KDM7A: variants seen among roughly 807,000 people sequenced by gnomAD.
KDM7A encodes lysine-specific demethylase 7A.
In KDM7A, 28 loss-of-function variants were observed where a neutral mutation model predicts 114.8. The observed-to-expected ratio is 0.24, with a 90% CI of 0.18 to 0.33. The LOEUF (loss-of-function observed/expected upper bound fraction) is 0.33. KDM7A is among the 10% of genes least tolerant of loss of function. KDM7A has a pLI of 1.00. For synonymous variants in KDM7A, 423 were observed against 397.8 expected, an observed-to-expected ratio of 1.06 and a Z score of -0.75; for missense variants, 942 against 1,142.5, an observed-to-expected ratio of 0.82 and a Z score of 2.53.
At chr7:140,108,387 C>T (rs1206664761) in intron 11 of KDM7A, among the ~76,000 whole-genome samples, 1 of 151,348 alleles carries the variant, frequency 6.6e-6, no homozygotes, top group Admixed American at 6.6e-5. Flanking sequence ...AGCTTTTCTG[C>T]TCTGTTTTTT....
intron 12 of KDM7A, among the ~76,000 whole-genome samples, chr7:140,100,321 G>A (rs1193087973): frequency 1.3e-5 from 2 of 152,114 alleles, no homozygotes; most frequent in African/African-American, 2.4e-5. Flanking sequence ...TGAAAAACTG[G>A]AGAAGCACTG....
rs572522095 is a variant in KDM7A, at chr7:140,085,572, C to T, written c.*5522G>A. The T allele has an allele frequency of 1.3e-5, 2 of 152,178 alleles. No individual in the cohort carries two copies. The highest frequency in any genetic ancestry group is 2.4e-5 in the African/African-American group (1 of 41,426). The allele number at this position is 152,178 out of a possible 1,614,324, so 9.4% of individuals were successfully genotyped here. A position where few individuals can be genotyped will look rare whatever the true frequency, so the allele number is the denominator to read the frequency against. On this transcript the variant is annotated 3_prime_UTR_variant, in exon 20 of 20. Coordinates refer to ENST00000397560, the MANE Select transcript of KDM7A (RefSeq NM_030647.2). ...TCTTTTCTGAAGGAAATACCATCTG[C>T]GAAGATGCATTTCCTGATCAGTGCT...
intron 1 of KDM7A, among the ~76,000 whole-genome samples, chr7:140,151,956 T>C (rs1794405042): frequency 6.6e-6 from 1 of 152,170 alleles, no homozygotes; most frequent in Non-Finnish European, 1.5e-5. Flanking sequence ...GGATAAAAGA[T>C]AATAGCAAAA....
In KDM7A at chr7:140,111,198, A is replaced by C; in HGVS notation, c.1339-14T>G. On this transcript the variant is annotated splice_polypyrimidine_tract_variant and intron_variant, in intron 10 of 19. Transcript: ENST00000397560. ...TTCAGATACAAGCTGTATTTGGATT[A>C]ACAAAAATAAGAAAACCAAAGTTAT... 1 of 1,546,850 alleles carries C rather than the reference A, an allele frequency of 6.5e-7. No homozygotes were observed.
At position 140,098,863 on chromosome 7, in the gene KDM7A, C is replaced by T. The variant is rs545755146; in HGVS notation, c.1918+16G>A. 6.3e-7 allele frequency: 1 copy of T among 1,587,642 alleles called. No homozygotes were observed. Among genetic ancestry groups the T allele is most frequent in the South Asian group, 1.1e-5 (1 of 88,718 alleles). ...GTAATCAAAAGATCTTTAAAATAAC[C>T]ATTAAAAAAACATACCATTCAGTGG... On this transcript the variant is annotated intron_variant, in intron 14 of 19. Coordinates refer to ENST00000397560, the MANE Select transcript of KDM7A (RefSeq NM_030647.2).
Position 140,129,527 on chromosome 7 carries a change from A to T in KDM7A, c.525T>A (p.Pro175=), listed in dbSNP as rs1302723596. 1 of 1,613,510 alleles carries T rather than the reference A, an allele frequency of 6.2e-7. No homozygotes were observed. The highest frequency in any genetic ancestry group is 8.5e-7 in the Non-Finnish European group (1 of 1,179,626). Residue 175 remains proline (P), a synonymous_variant, in exon 4 of 20, where the codon CCT becomes CCA. Coordinates refer to ENST00000397560, the MANE Select transcript of KDM7A (RefSeq NM_030647.2). ...LDDLGLRLPS[P]TFSVMDVERY... ...GTTCCACATCCATCACAGAAAATGT[A>T]GGTGAAGGGAGCCTGAGTCCTAGAT...
At chr7:140,114,336 T>C (rs1294761024) in intron 9 of KDM7A, among the ~76,000 whole-genome samples, 1 of 152,006 alleles carries the variant, frequency 6.6e-6, no homozygotes, top group Non-Finnish European at 1.5e-5. Flanking sequence ...CCTGATTGGT[T>C]TTCGTATTTT....
rs573488417 is a variant in KDM7A at position 140,092,252 on chromosome 7, G to C, written c.2458-175C>G. ...TGCATGATGTCGTCTCAGTAGCTCT[G>C]AAGGACTCGGGTCTTTAAGTTGCAT... On this transcript the variant is annotated intron_variant, in intron 18 of 19. Coordinates refer to ENST00000397560, the MANE Select transcript of KDM7A (RefSeq NM_030647.2). 1.6e-5 allele frequency: 10 copies of C among 623,430 alleles called. No homozygotes were observed. The South Asian group carries it at 1.6e-4, about 10-fold the overall frequency. 38.6% of individuals were successfully genotyped at this position (623,430 alleles called of 1,614,324 possible). A position where few individuals can be genotyped will look rare whatever the true frequency, so the allele number is the denominator to read the frequency against.
At chr7:140,140,723 A>G (rs1794259914) in intron 1 of KDM7A, among the ~76,000 whole-genome samples, 1 of 148,706 alleles carries the variant, frequency 6.7e-6, no homozygotes, top group Admixed American at 6.8e-5. Flanking sequence ...GCAGTAGGCA[A>G]CAGAGTGAGA....
chr7:140,164,140 A>T (rs1238029560), intron 1 of KDM7A, among the ~76,000 whole-genome samples: 1 of 152,202 alleles, frequency 6.6e-6, no homozygotes, highest in Non-Finnish European at 1.5e-5. Flanking sequence ...AGCTTCTCTA[A>T]AGCCAACTAC....
At chr7:140,123,155 C>T (rs1562952274) in intron 7 of KDM7A, among the ~76,000 whole-genome samples, 1 of 152,186 alleles carries the variant, frequency 6.6e-6, no homozygotes. Flanking sequence ...TGACACATCA[C>T]ACCCACTAGA....
At chr7:140,122,113 C>G (rs975363000) in intron 7 of KDM7A, among the ~76,000 whole-genome samples, 2 of 152,138 alleles carry the variant, frequency 1.3e-5, no homozygotes, top group African/African-American at 4.8e-5. Flanking sequence ...TCTGATATTC[C>G]AGGAAGTATC....
chr7:140,100,711 C>T (rs971669705), intron 12 of KDM7A, among the ~76,000 whole-genome samples: 94 of 56,932 alleles, frequency 1.7e-3, no homozygotes, highest in South Asian at 8.1e-3. Context: ...TATATATACA[C>T]ATATATATAT....
chr7:140,101,561 A>T (rs552182639), intron 12 of KDM7A, among the ~76,000 whole-genome samples: 1 of 152,170 alleles, frequency 6.6e-6, no homozygotes, highest in South Asian at 2.1e-4. Flanking sequence ...GTTTTTTTTA[A>T]ATAACGCTTA....
intron 1 of KDM7A, among the ~76,000 whole-genome samples, chr7:140,165,781 C>A (rs1794567336): frequency 6.6e-6 from 1 of 151,950 alleles, no homozygotes; most frequent in Non-Finnish European, 1.5e-5. Context: ...TGGTGTGATG[C>A]TGGCAATGCA....
chr7:140,091,033 C>T lies in KDM7A; in HGVS notation c.*61G>A. ...TCCAGGCAGGGGGACAGCGGAAGCT[C>T]CAGGCTCCTGCACCCCTAGACTGGT... On this transcript the variant is annotated 3_prime_UTR_variant, in exon 20 of 20. Coordinates refer to ENST00000397560, the MANE Select transcript of KDM7A (RefSeq NM_030647.2). The T allele has an allele frequency of 8.2e-7, 1 of 1,221,942 alleles. No individual in the cohort carries two copies. Among genetic ancestry groups the T allele is most frequent in the South Asian group, 1.2e-5 (1 of 83,252 alleles). 75.7% of individuals were successfully genotyped at this position (1,221,942 alleles called of 1,614,324 possible).
intron 3 of KDM7A, among the ~76,000 whole-genome samples, chr7:140,131,961 A>G (rs1266539374): frequency 6.6e-6 from 1 of 152,212 alleles, no homozygotes; most frequent in Admixed American, 6.5e-5. Context: ...ATGAAACATA[A>G]TAGAGTAAAA....
At chr7:140,112,101 C>T (rs1019848698) in intron 10 of KDM7A, among the ~76,000 whole-genome samples, 1 of 152,182 alleles carries the variant, frequency 6.6e-6, no homozygotes, top group African/African-American at 2.4e-5. Flanking sequence ...TTGCTTATGG[C>T]TTTCCTTGTC....
chr7:140,139,170 T>A lies in KDM7A; in HGVS notation c.215A>T (p.His72Leu). ...ATACAGGTCAATGTCAACAGCATGA[T>A]GTTCTTCTACTCCAACACAGCTAAG... ...FHGSCVGVEE[H>L]HAVDIDLYHC... The change falls in exon 2 of 20, where the codon CAT becomes CTT. Residue 72 changes from histidine (H) to leucine (L), a missense_variant. His to Leu is a moderately conservative substitution (Grantham distance 99). Transcript: ENST00000397560. 2 of 1,613,350 alleles carry A rather than the reference T, an allele frequency of 1.2e-6. No homozygotes were observed. Among genetic ancestry groups the A allele is most frequent in the Non-Finnish European group, 1.7e-6 (2 of 1,179,546 alleles).
Sources: allele counts gnomAD v4.1 joint callset (sites outside exome capture counted in the v4.1 genomes callset), GRCh38; gene constraint gnomAD v4.1.1; transcripts MANE v1.5; gene names NCBI Gene and HGNC (gene_info 2026-07-23, HGNC 2026-07-21).